ACACA: variants seen among roughly 807,000 people sequenced by gnomAD.
ACACA encodes the protein acetyl-CoA carboxylase 1.
A neutral mutation model predicts 296.1 loss-of-function variants in ACACA; 103 were observed. The ratio of observed to expected loss-of-function variants is 0.35; its 90% confidence interval spans 0.30 to 0.41. ACACA has a LOEUF of 0.41. Among genes scored for constraint, ACACA ranks in the 10% least tolerant of loss-of-function variants. The probability of loss-of-function intolerance (pLI) is 1.00; values close to 1 mark genes in which losing one functional copy is unlikely to be tolerated. For synonymous variants in ACACA, 953 were observed against 1,038.6 expected (o/e 0.92, Z 1.58); for missense variants, 1,554 against 2,989.7 (o/e 0.52, Z 11.20).
chr17:37,331,405 G>T (rs1438892131), intron 2 of ACACA, among the ~76,000 whole-genome samples: 1 of 144,778 alleles, frequency 6.9e-6, no homozygotes, highest in Non-Finnish European at 1.5e-5. Flanking sequence ...ACCGCACCCG[G>T]CCTATTTTTT....
intron 2 of ACACA, among the ~76,000 whole-genome samples, chr17:37,331,124 T>TTTATTTAC (rs1323427939): frequency 6.7e-6 from 1 of 149,866 alleles, no homozygotes; most frequent in African/African-American, 2.5e-5. Flanking sequence ...TATTTATTTA[T>TTTATTTAC]TTATTTATTT....
chr17:37,395,429 C>CA (rs11409136), intron 1 of ACACA, among the ~76,000 whole-genome samples: 6,637 of 126,398 alleles, frequency 0.053, 458 homozygotes, highest in African/African-American at 0.17. Flanking sequence ...GACTCCATTT[C>CA]AAAAAAAAAA....
At chr17:37,130,536 C>A (rs1320167901) in intron 45 of ACACA, among the ~76,000 whole-genome samples, 1 of 151,760 alleles carries the variant, frequency 6.6e-6, no homozygotes, top group African/African-American at 2.4e-5. Flanking sequence ...CAAACCTGCA[C>A]GTTGTGCACA....
rs769102238 is a variant in ACACA, at chr17:37,097,838, C to T, written c.6712G>A (p.Val2238Ile). 6.2e-7 allele frequency: 1 copy of T among 1,614,170 alleles called. No individual in the cohort carries two copies. The highest frequency in any genetic ancestry group is 2.2e-5 in the East Asian group (1 of 44,870). ...DTPGRMQEKG[V>I]ISDILDWKTS... ...GCAACCATTGTACTTACGCTAATAA[C>T]ACCCTTCTCCTGCATCCGGCCTGGT... Residue 2238 changes from valine (V) to isoleucine (I), a missense_variant, in exon 53 of 56, where the codon GTT (valine) becomes ATT (isoleucine). Val to Ile is a conservative substitution (Grantham distance 29). Around this residue, in one of 16 missense-constraint regions of ACACA, gnomAD observed 553 missense variants for 1,043.6 expected, o/e 0.53. Coordinates refer to ENST00000616317, the MANE Select transcript of ACACA (RefSeq NM_198834.3). This position sits in a 1 kb window ranked among gnomAD's most constrained non-coding sequence, Gnocchi z 4.8.
rs1160280128 is a variant in ACACA at position 37,158,520 on chromosome 17, C to A, written c.5350-2740G>T. Among the ~76,000 whole-genome samples the A allele has an allele frequency of 2.0e-5, 3 of 152,142 alleles. No individual in the cohort carries two copies. In the East Asian group the frequency reaches 5.8e-4, roughly 29 times the overall value. On this transcript the variant is annotated intron_variant, in intron 42 of 55. Coordinates refer to ENST00000616317, the MANE Select transcript of ACACA (RefSeq NM_198834.3). ...TGGTGCATGGTTGTAGTCCCAGTTA[C>A]TCAGGAGGGTGAGGCTGGAAAATTG...
chr17:37,281,067 T>C (rs1367743763), intron 5 of ACACA, among the ~76,000 whole-genome samples: 1 of 151,340 alleles, frequency 6.6e-6, no homozygotes, highest in Non-Finnish European at 1.5e-5. Flanking sequence ...TCTTTTTTTT[T>C]TTTTTTTCAT....
intron 3 of ACACA, among the ~76,000 whole-genome samples, chr17:37,317,456 C>A (rs1400720682): frequency 6.6e-6 from 1 of 151,718 alleles, no homozygotes; most frequent in Non-Finnish European, 1.5e-5. Context: ...ATCTCAGCTA[C>A]TTAGTAGGCT....
rs963437977 is a variant in ACACA, at chr17:37,387,804, A to C, written c.38+18458T>G. On this transcript the variant is annotated intron_variant, in intron 1 of 55. Coordinates refer to ENST00000616317, the MANE Select transcript of ACACA (RefSeq NM_198834.3). Reference sequence around the variant, plus strand: ...AAATTGGCCAGGACTAAAATTCTGTAAGATTCCAATTTGGGTTACATCCTA... The same window carrying C: ...AAATTGGCCAGGACTAAAATTCTGTCAGATTCCAATTTGGGTTACATCCTA... 51 of 152,106 alleles carry C rather than the reference A, an allele frequency of 3.4e-4. 4 individuals carry two copies. The allele number at this position is 152,106 out of a possible 1,614,324, so 9.4% of individuals were successfully genotyped here.
At chr17:37,289,412 C>T in intron 3 of ACACA, 1 of 1,337,906 alleles carries the variant, frequency 7.5e-7, no homozygotes. Context: ...AAGGAAGTAC[C>T]CACACCTTGA....
At chr17:37,347,284 T>C (rs1425835912) in intron 1 of ACACA, among the ~76,000 whole-genome samples, 1 of 152,074 alleles carries the variant, frequency 6.6e-6, no homozygotes, top group Non-Finnish European at 1.5e-5. Context: ...GATTGTGAGG[T>C]CTCCCTGGCC....
chr17:37,097,267 C>A lies in ACACA; in HGVS notation c.6721-101G>T. The A allele has an allele frequency of 7.2e-7, 1 of 1,381,080 alleles. No individual in the cohort carries two copies. The highest frequency in any genetic ancestry group is 1.0e-6 in the Non-Finnish European group (1 of 1,001,938). 85.6% of individuals were successfully genotyped at this position (1,381,080 alleles called of 1,614,324 possible). On this transcript the variant is annotated intron_variant, in intron 53 of 55. Coordinates refer to ENST00000616317, the MANE Select transcript of ACACA (RefSeq NM_198834.3). The surrounding 1 kb of genome is among the most constrained non-coding windows in gnomAD (Gnocchi z 4.8). ...CATAAAAACTGATTCTCCAGGCAAG[C>A]CCTTCACAGACCCAAGAGCTGGCTG...
chr17:37,401,782 A>T (rs1294786182), intron 1 of ACACA, among the ~76,000 whole-genome samples: 1 of 151,560 alleles, frequency 6.6e-6, no homozygotes, highest in African/African-American at 2.4e-5. Context: ...TTAGTCTCGA[A>T]CTCCTGAGCC....
intron 43 of ACACA, among the ~76,000 whole-genome samples, chr17:37,154,785 C>A (rs763697773): frequency 6.6e-6 from 1 of 152,238 alleles, no homozygotes; most frequent in Non-Finnish European, 1.5e-5. Flanking sequence ...GCGTGAAACA[C>A]TGCGCCCAGC....
intron 25 of ACACA, among the ~76,000 whole-genome samples, chr17:37,229,037 G>A (rs1455257491): frequency 1.3e-5 from 2 of 151,294 alleles, no homozygotes; most frequent in African/African-American, 2.4e-5. Flanking sequence ...CCAACTACTC[G>A]GGAGGCTGAG....
chr17:37,224,477 G>A (rs2079444225), intron 27 of ACACA, among the ~76,000 whole-genome samples: 2 of 152,108 alleles, frequency 1.3e-5, no homozygotes, highest in Admixed American at 1.3e-4. Context: ...CTTCTGATTA[G>A]TAGTAAAATT....
rs189268033 is a variant in ACACA, at chr17:37,308,323, A to C, written c.338+21850T>G. ...TAATAAGACGAATTTATGAGTGAATACAGAGATGAAGAGATGGATATCAAC... is the reference window on the plus strand; with the variant it reads ...TAATAAGACGAATTTATGAGTGAATCCAGAGATGAAGAGATGGATATCAAC... On this transcript the variant is annotated intron_variant, in intron 3 of 55. Coordinates refer to ENST00000616317, the MANE Select transcript of ACACA (RefSeq NM_198834.3). 7.4e-4 allele frequency among the ~76,000 whole-genome samples: 112 copies of C among 152,340 alleles called. No homozygotes were observed. In the Middle Eastern group the frequency reaches 0.01, roughly 14 times the overall value.
In ACACA at chr17:37,151,308, A is replaced by C. The variant is rs775128489; in HGVS notation, c.5561T>G (p.Ile1854Ser). ...CATTCTGGAAAGATTTACCAGGCTGATGGTAATGATCTCATTATAGGCCAA... is the reference window on the plus strand; with the variant it reads ...CATTCTGGAAAGATTTACCAGGCTGCTGGTAATGATCTCATTATAGGCCAA... ...SSLAYNEIITISLVTCRAIGI... is the reference protein window; with the variant it reads ...SSLAYNEIITSSLVTCRAIGI... Residue 1854 changes from isoleucine (I) to serine (S), a missense_variant, in exon 44 of 56, where the codon ATC becomes AGC. By Grantham distance (142) the Ile-to-Ser change is moderately radical (BLOSUM62 -2). Around this residue, in one of 16 missense-constraint regions of ACACA, gnomAD observed 553 missense variants for 1,043.6 expected, o/e 0.53. Transcript: ENST00000616317. 6.2e-7 allele frequency: 1 copy of C among 1,614,004 alleles called. No individual in the cohort carries two copies. Among genetic ancestry groups the C allele is most frequent in the Admixed American group, 1.7e-5 (1 of 60,030 alleles).
intron 3 of ACACA, among the ~76,000 whole-genome samples, chr17:37,291,919 A>AT (rs961536995): frequency 4.4e-4 from 67 of 150,640 alleles, no homozygotes; most frequent in Non-Finnish European, 7.0e-4. Flanking sequence ...TTTTAGGAGA[A>AT]TTTTTTTTTT....
At chr17:37,288,698 G>GACC (rs754971142) in intron 3 of ACACA, among the ~76,000 whole-genome samples, 8 of 152,062 alleles carry the variant, frequency 5.3e-5, no homozygotes, top group Non-Finnish European at 7.4e-5. Flanking sequence ...AGGAGTTCAA[G>GACC]ACCAGCCTGG....
Sources: allele counts gnomAD v4.1 joint callset (sites outside exome capture counted in the v4.1 genomes callset), GRCh38; gene constraint gnomAD v4.1.1; regional missense constraint gnomAD v4.1.1; non-coding constraint Gnocchi (gnomAD v3.1); transcripts MANE v1.5; gene names NCBI Gene and HGNC (gene_info 2026-07-23, HGNC 2026-07-21).